The following NIPAL1 variants were observed in gnomAD, a reference collection of about 807,000 sequenced individuals.
NIPAL1 encodes NIPA like domain containing 1.
A neutral mutation model predicts 37.7 loss-of-function variants in NIPAL1; 35 were observed. That is an observed-to-expected ratio of 0.93 (90% CI 0.71 to 1.23). The LOEUF (loss-of-function observed/expected upper bound fraction) is 1.23. Ranked by LOEUF, NIPAL1 falls within the 50% of genes most tolerant of loss-of-function variation. The probability of loss-of-function intolerance (pLI) is 0.00; values close to 1 mark genes in which losing one functional copy is unlikely to be tolerated. For synonymous variants in NIPAL1, 162 were observed against 183.0 expected (o/e 0.89, Z 0.93); for missense variants, 412 against 473.9 (o/e 0.87, Z 1.21).
At chr4:48,035,494 A>G in intron 5 of NIPAL1, 68 bp from the exon 6 acceptor site, 1 of 1,452,020 alleles carries the variant, frequency 6.9e-7, no homozygotes. Flanking sequence ...CTCATGACTA[A>G]CAAGATTTCA....
intron 1 of NIPAL1, among the ~76,000 whole-genome samples, chr4:48,018,062 T>A (rs547710381): frequency 7.9e-5 from 12 of 152,162 alleles, no homozygotes; most frequent in African/African-American, 1.2e-4. Context: ...TTAAAAAAAA[T>A]TTTTTAAGGC....
chr4:48,031,353 G>A (rs115046553), intron 3 of NIPAL1, among the ~76,000 whole-genome samples: 17 of 152,120 alleles, frequency 1.1e-4, no homozygotes, highest in Admixed American at 2.0e-4. Context: ...GAGCCACCAC[G>A]CCCGGCCACC....
Position 48,035,793 on chromosome 4 carries a change from T to TTTC in NIPAL1, c.855_857dup (p.Ser286dup). 6.2e-7 allele frequency: 1 copy of TTTC among 1,614,218 alleles called. No homozygotes were observed. The highest frequency in any genetic ancestry group is 8.5e-7 in the Non-Finnish European group (1 of 1,180,032). On this transcript the variant is annotated inframe_insertion, in exon 6 of 6. Coordinates refer to ENST00000295461, the MANE Select transcript of NIPAL1 (RefSeq NM_207330.3). ...TTTGTTTTGCTGGCTGTACTTGTGC[T>TTTC]TTCAGTAACTACACAGATTAACTAT...
intron 1 of NIPAL1, among the ~76,000 whole-genome samples, chr4:48,021,582 A>G (rs1577622087): frequency 6.6e-6 from 1 of 152,206 alleles, no homozygotes; most frequent in Non-Finnish European, 1.5e-5. Context: ...TTAAATATCA[A>G]TCAACTATAA....
chr4:48,018,741 G>A (rs1477575808), intron 1 of NIPAL1, among the ~76,000 whole-genome samples: 5 of 152,222 alleles, frequency 3.3e-5, no homozygotes, highest in Non-Finnish European at 7.3e-5. Context: ...CTGCAAGACA[G>A]TCTGGTCCCA....
intron 4 of NIPAL1, 125 bp downstream of exon 4, chr4:48,033,208 C>G: frequency 1.7e-6 from 1 of 580,252 alleles, no homozygotes; most frequent in East Asian, 3.2e-5. Context: ...AACCTGGGCT[C>G]TAAAAGTCTA....
chr4:48,020,326 T>TTA (rs1300802660), intron 1 of NIPAL1, among the ~76,000 whole-genome samples: 11 of 152,024 alleles, frequency 7.2e-5, no homozygotes, highest in Non-Finnish European at 1.5e-4. Flanking sequence ...GGACAGGGAG[T>TTA]ATTAAGCCAG....
In NIPAL1 at chr4:48,025,272, C is replaced by T. The variant is rs925190461; in HGVS notation, c.251C>T (p.Ser84Phe). 1 of 1,614,110 alleles carries T rather than the reference C, an allele frequency of 6.2e-7. No individual in the cohort carries two copies. The highest frequency in any genetic ancestry group is 1.3e-5 in the African/African-American group (1 of 75,050). ...LAVSSSIFIG[S>F]SFILKKKGLL... ...GTAAGCTCAAGTATTTTTATTGGCT[C>T]CAGCTTCATACTGAAAAAGAAGGGC... The change falls in exon 2 of 6, where the codon TCC (serine) becomes TTC (phenylalanine). Residue 84 changes from serine (S) to phenylalanine (F), a missense_variant. Physicochemically the swap from Ser to Phe is radical, Grantham distance 155. Coordinates refer to ENST00000295461, the MANE Select transcript of NIPAL1 (RefSeq NM_207330.3).
At chr4:48,020,145 T>C (rs1715541332) in intron 1 of NIPAL1, among the ~76,000 whole-genome samples, 1 of 152,148 alleles carries the variant, frequency 6.6e-6, no homozygotes. Flanking sequence ...ACACCATACA[T>C]ATTTGTTGAA....
rs1484792864 is a variant in NIPAL1 at position 48,038,326 on chromosome 4, T to C, written c.*2154T>C. On this transcript the variant is annotated 3_prime_UTR_variant, in exon 6 of 6. Transcript: ENST00000295461. ...TTTCACTTTACTTGTATATCAGATA[T>C]ATAAGCTATGAACACAAGTTTGTAG... is the stretch of plus-strand genomic sequence containing the variant. 2.0e-5 allele frequency: 3 copies of C among 152,346 alleles called. No individual in the cohort carries two copies. Among genetic ancestry groups the C allele is most frequent in the Non-Finnish European group, 4.4e-5 (3 of 68,038 alleles). The allele number at this position is 152,346 out of a possible 1,614,324, so 9.4% of individuals were successfully genotyped here. A position where few individuals can be genotyped will look rare whatever the true frequency, so the allele number is the denominator to read the frequency against.
At chr4:48,020,030 ATTTG>A (rs1715537175) in intron 1 of NIPAL1, among the ~76,000 whole-genome samples, 1 of 152,144 alleles carries the variant, frequency 6.6e-6, no homozygotes, top group Non-Finnish European at 1.5e-5. Context: ...ACGTATAGTT[ATTTG>A]TTTGTTAATC....
At chr4:48,021,174 T>C (rs1030741042) in intron 1 of NIPAL1, among the ~76,000 whole-genome samples, 6 of 152,234 alleles carry the variant, frequency 3.9e-5, no homozygotes, top group African/African-American at 1.4e-4. Context: ...CATCAGTTTC[T>C]TTAAAATATC....
rs551322492 is a variant in NIPAL1 at position 48,029,997 on chromosome 4, A to G, written c.314-123A>G. 2.6e-4 allele frequency: 150 copies of G among 566,976 alleles called. 2 individuals are homozygous for G. The highest frequency in any genetic ancestry group is 2.4e-3 in the African/African-American group (128 of 53,278). 35.1% of individuals were successfully genotyped at this position (566,976 alleles called of 1,614,324 possible). On this transcript the variant is annotated intron_variant, in intron 2 of 5. Coordinates refer to ENST00000295461, the MANE Select transcript of NIPAL1 (RefSeq NM_207330.3). ...AATGACCAAGTAAATAAGCTAAGAG[A>G]CTTTAGATTTACTGACTTAACTTTT...
chr4:48,038,878 A>T lies in NIPAL1; in HGVS notation c.*2706A>T, dbSNP rs1716014958. The T allele has an allele frequency of 6.6e-6, 1 of 152,182 alleles. No homozygotes were observed. Among genetic ancestry groups the T allele is most frequent in the African/African-American group, 2.4e-5 (1 of 41,446 alleles). 9.4% of individuals were successfully genotyped at this position (152,182 alleles called of 1,614,324 possible). A position where few individuals can be genotyped will look rare whatever the true frequency, so the allele number is the denominator to read the frequency against. On this transcript the variant is annotated 3_prime_UTR_variant, in exon 6 of 6. Coordinates refer to ENST00000295461, the MANE Select transcript of NIPAL1 (RefSeq NM_207330.3). Reference sequence around the variant, plus strand: ...TTCCCAAACACAAGGCTCATTGTGTACCCTGGACAGGAAATTGAACTGATG... The same window carrying T: ...TTCCCAAACACAAGGCTCATTGTGTTCCCTGGACAGGAAATTGAACTGATG...
At chr4:48,033,425 C>A (rs905598464) in intron 4 of NIPAL1, among the ~76,000 whole-genome samples, 2 of 152,150 alleles carry the variant, frequency 1.3e-5, no homozygotes, top group African/African-American at 4.8e-5. Flanking sequence ...GTTTGATTTC[C>A]TACTAACATA....
chr4:48,029,663 A>G (rs189796958), intron 2 of NIPAL1, among the ~76,000 whole-genome samples: 102 of 152,352 alleles, frequency 6.7e-4, no homozygotes, highest in African/African-American at 2.4e-3. Flanking sequence ...TTGAAATGAC[A>G]TACCATTTTA....
At chr4:48,032,948 C>A in intron 3 of NIPAL1, 45 bp from the exon 4 acceptor site, 4 of 1,369,382 alleles carry the variant, frequency 2.9e-6, no homozygotes, top group Middle Eastern at 1.8e-4. Flanking sequence ...TCTCTTCTGA[C>A]AAGTAAGCCC....
At chr4:48,022,396 T>A (rs1161169096) in intron 1 of NIPAL1, among the ~76,000 whole-genome samples, 1 of 152,236 alleles carries the variant, frequency 6.6e-6, no homozygotes, top group Non-Finnish European at 1.5e-5. Flanking sequence ...CTTGGAGCAT[T>A]CATGCCTGCC....
At chr4:48,017,851 A>G (rs1715476169) in intron 1 of NIPAL1, among the ~76,000 whole-genome samples, 1 of 121,708 alleles carries the variant, frequency 8.2e-6, no homozygotes, top group South Asian at 2.9e-4. Context: ...ATATATATAT[A>G]GTTCCCTTAC....
Sources: allele counts gnomAD v4.1 joint callset (sites outside exome capture counted in the v4.1 genomes callset), GRCh38; gene constraint gnomAD v4.1.1; transcripts MANE v1.5; gene names NCBI Gene and HGNC (gene_info 2026-07-23, HGNC 2026-07-21).